NKAIN2: variants seen among roughly 807,000 people sequenced by gnomAD.
The protein encoded by NKAIN2 is sodium/potassium transporting ATPase interacting 2, also known as sodium/potassium-transporting ATPase subunit beta-1-interacting protein 2.
Under a neutral mutation model 32.6 loss-of-function variants are expected in NKAIN2, and 14 were observed. The ratio of observed to expected loss-of-function variants is 0.43; its 90% CI spans 0.28 to 0.67. The LOEUF is 0.67. Ranked by LOEUF, NKAIN2 falls within the 30% of genes least tolerant of loss-of-function variation. The pLI, the probability that NKAIN2 is intolerant of heterozygous loss-of-function variation, is 0.17. For synonymous variants in NKAIN2, 80 were observed against 87.2 expected, an observed-to-expected ratio of 0.92 and a Z score of 0.46; for missense variants, 198 against 258.3, an observed-to-expected ratio of 0.77 and a Z score of 1.60.
intron 3 of NKAIN2, among the ~76,000 whole-genome samples, chr6:124,393,086 T>C (rs991342951): frequency 1.3e-5 from 2 of 152,136 alleles, no homozygotes; most frequent in African/African-American, 4.8e-5. Context: ...TGTTGTTATA[T>C]AAGTAAAATC....
chr6:124,190,602 A>C (rs1270930646), intron 1 of NKAIN2, among the ~76,000 whole-genome samples: 1 of 152,168 alleles, frequency 6.6e-6, no homozygotes, highest in African/African-American at 2.4e-5. Flanking sequence ...TAGTGGTGCA[A>C]TGTTTTGTTG....
intron 1 of NKAIN2, among the ~76,000 whole-genome samples, chr6:124,191,242 A>G (rs1790005680): frequency 6.6e-6 from 1 of 152,140 alleles, no homozygotes; most frequent in Non-Finnish European, 1.5e-5. Context: ...CATTTCATGA[A>G]TTTGGTACAA....
At chr6:124,040,047 T>G (rs1178295120) in intron 1 of NKAIN2, among the ~76,000 whole-genome samples, 1 of 152,004 alleles carries the variant, frequency 6.6e-6, no homozygotes, top group Non-Finnish European at 1.5e-5. Context: ...ATGGCTGTTA[T>G]TTATTACAAG....
intron 1 of NKAIN2, among the ~76,000 whole-genome samples, chr6:123,853,543 A>G (rs1775436797): frequency 6.6e-6 from 1 of 152,192 alleles, no homozygotes; most frequent in South Asian, 2.1e-4. Context: ...TGTTAGAAAC[A>G]CTAGCCTTTT....
chr6:124,328,776 G>A (rs866451520), intron 2 of NKAIN2, among the ~76,000 whole-genome samples: 4 of 152,254 alleles, frequency 2.6e-5, no homozygotes, highest in Middle Eastern at 6.8e-3. Flanking sequence ...CTACCTAAAG[G>A]AAGGGGACAT....
intron 1 of NKAIN2, among the ~76,000 whole-genome samples, chr6:123,976,402 T>TAC (rs1778637391): frequency 1.6e-5 from 1 of 62,084 alleles, no homozygotes; most frequent in Non-Finnish European, 3.2e-5. Flanking sequence ...TATATATATA[T>TAC]ATATATATAT....
At chr6:124,611,610 G>A (rs975353104) in intron 3 of NKAIN2, among the ~76,000 whole-genome samples, 2 of 152,074 alleles carry the variant, frequency 1.3e-5, no homozygotes, top group Admixed American at 6.6e-5. Flanking sequence ...TCCCACTTAT[G>A]AGTGAAAACA....
chr6:124,260,332 A>T (rs1350520762), intron 1 of NKAIN2, among the ~76,000 whole-genome samples: 1 of 152,098 alleles, frequency 6.6e-6, no homozygotes, highest in African/African-American at 2.4e-5. Context: ...TTAAATGCAA[A>T]CGAGAAATAA....
At chr6:124,072,707 C>T (rs1172808766) in intron 1 of NKAIN2, among the ~76,000 whole-genome samples, 1 of 152,122 alleles carries the variant, frequency 6.6e-6, no homozygotes, top group Non-Finnish European at 1.5e-5. Flanking sequence ...CTGCAAGTTC[C>T]TTGATTTCCA....
At chr6:124,230,297 G>A (rs1232980756) in intron 1 of NKAIN2, among the ~76,000 whole-genome samples, 1 of 152,190 alleles carries the variant, frequency 6.6e-6, no homozygotes, top group Non-Finnish European at 1.5e-5. Flanking sequence ...AAGCATTTAA[G>A]AAGTGACTTG....
At position 124,566,539 on chromosome 6, in the gene NKAIN2, A is replaced by T. The variant is rs151098952; in HGVS notation, c.274-91647A>T. Among the ~76,000 whole-genome samples the T allele has an allele frequency of 3.8e-4, 58 of 152,224 alleles. No homozygotes were observed. The East Asian group carries it at 0.01, about 27-fold the overall frequency. ...CCTCCTTTTGACACACTGTTTCCTC[A>T]GCTACATTAATACAATTAATTAGCT... On this transcript the variant is annotated intron_variant, in intron 3 of 6. Coordinates refer to ENST00000368417, the MANE Select transcript of NKAIN2 (RefSeq NM_001040214.3).
At chr6:124,314,432 G>A (rs1240464881) in intron 2 of NKAIN2, among the ~76,000 whole-genome samples, 1 of 152,106 alleles carries the variant, frequency 6.6e-6, no homozygotes, top group African/African-American at 2.4e-5. Flanking sequence ...TGTGCTCTGA[G>A]GTGCAGAGGG....
intron 1 of NKAIN2, among the ~76,000 whole-genome samples, chr6:123,967,292 C>A (rs9491024): frequency 0.026 from 3,934 of 152,220 alleles, 169 homozygotes; most frequent in African/African-American, 0.089. Flanking sequence ...TTTGAAATTG[C>A]AAATACTCTT....
chr6:124,228,505 A>C (rs1382992413), intron 1 of NKAIN2, among the ~76,000 whole-genome samples: 1 of 152,096 alleles, frequency 6.6e-6, no homozygotes, highest in Admixed American at 6.6e-5. Context: ...ATCTCTCCAA[A>C]GCCCCATCTT....
chr6:123,894,845 A>C (rs1020571763), intron 1 of NKAIN2, among the ~76,000 whole-genome samples: 7 of 152,148 alleles, frequency 4.6e-5, no homozygotes, highest in Non-Finnish European at 8.8e-5. Context: ...GCAGCTCAGC[A>C]CACTACACAA....
At chr6:124,305,412 C>T (rs1796468268) in intron 2 of NKAIN2, among the ~76,000 whole-genome samples, 1 of 152,132 alleles carries the variant, frequency 6.6e-6, no homozygotes, top group Non-Finnish European at 1.5e-5. Context: ...GACTTCACGA[C>T]TTACTGGATT....
chr6:124,152,046 G>T (rs1490771018), intron 1 of NKAIN2, among the ~76,000 whole-genome samples: 1 of 151,790 alleles, frequency 6.6e-6, no homozygotes, highest in Non-Finnish European at 1.5e-5. Context: ...ATGCCATGGA[G>T]ATAGTTTCCT....
intron 1 of NKAIN2, among the ~76,000 whole-genome samples, chr6:123,904,054 C>A (rs1044040313): frequency 6.6e-6 from 1 of 151,740 alleles, no homozygotes; most frequent in African/African-American, 2.4e-5. Flanking sequence ...AAGAAGAAAC[C>A]CCGTCTCTAC....
chr6:124,408,905 T>C (rs1351631545), intron 3 of NKAIN2, among the ~76,000 whole-genome samples: 1 of 152,200 alleles, frequency 6.6e-6, no homozygotes, highest in East Asian at 1.9e-4. Flanking sequence ...CTTGAAGTGG[T>C]CTTTCACATC....
Sources: allele counts gnomAD v4.1 joint callset (sites outside exome capture counted in the v4.1 genomes callset), GRCh38; gene constraint gnomAD v4.1.1; transcripts MANE v1.5; gene names NCBI Gene and HGNC (gene_info 2026-07-23, HGNC 2026-07-21).